The following MBTPS1 variants were observed in gnomAD, a reference collection of about 807,000 sequenced individuals.
The protein encoded by MBTPS1 is membrane bound transcription factor peptidase, site 1, also known as membrane-bound transcription factor site-1 protease.
MBTPS1 carries 94 observed loss-of-function variants against 127.8 expected under a neutral mutation model. The observed-to-expected ratio is 0.74, with a 90% CI of 0.62 to 0.87. The LOEUF (loss-of-function observed/expected upper bound fraction) is 0.87, where lower values mean the gene tolerates loss of function less well. MBTPS1 is among the 40% of genes least tolerant of loss of function. The probability of loss-of-function intolerance (pLI) is 0.00; values close to 1 mark genes in which losing one functional copy is unlikely to be tolerated. For synonymous variants in MBTPS1, 632 were observed against 509.4 expected, an observed-to-expected ratio of 1.24 and a Z score of -3.24; for missense variants, 1,636 against 1,353.2, an observed-to-expected ratio of 1.21 and a Z score of -3.28.
At chr16:84,084,124 T>A (rs187568882) in intron 10 of MBTPS1, among the ~76,000 whole-genome samples, 17 of 152,320 alleles carry the variant, frequency 1.1e-4, no homozygotes, top group Admixed American at 7.2e-4. Context: ...CACACCTGGC[T>A]AACTTGTAAT....
intron 3 of MBTPS1, among the ~76,000 whole-genome samples, chr16:84,098,100 T>C (rs11647035): frequency 0.11 from 16,837 of 152,132 alleles, 1,354 homozygotes; most frequent in East Asian, 0.26. Flanking sequence ...ATATGCAATT[T>C]ACTATTTGAG....
chr16:84,098,973 A>T, intron 3 of MBTPS1, 80 bp downstream of exon 3: 1 of 1,305,600 alleles, frequency 7.7e-7, no homozygotes, highest in Non-Finnish European at 1.1e-6. Flanking sequence ...TACTCACTGT[A>T]CTATTTTTCA....
intron 11 of MBTPS1, among the ~76,000 whole-genome samples, chr16:84,077,005 G>A (rs370773323): frequency 1.4e-4 from 21 of 152,068 alleles, no homozygotes; most frequent in African/African-American, 2.7e-4. Flanking sequence ...GCGGGAGGAC[G>A]GCTTGAGCCC....
At chr16:84,082,808 A>T (rs1597328334) in intron 10 of MBTPS1, among the ~76,000 whole-genome samples, 2 of 152,182 alleles carry the variant, frequency 1.3e-5, no homozygotes, top group East Asian at 3.9e-4. Flanking sequence ...CTATGGGTCA[A>T]CAATCTTCCT....
chr16:84,116,701 G>A (rs1016205303), intron 1 of MBTPS1, 34 bp downstream of exon 1: 7 of 152,002 alleles, frequency 4.6e-5, no homozygotes, highest in Non-Finnish European at 1.0e-4. Context: ...AGGCGGAGCG[G>A]GTCGGGGAGG....
chr16:84,082,962 T>G (rs540958138), intron 10 of MBTPS1, among the ~76,000 whole-genome samples: 15 of 152,324 alleles, frequency 9.8e-5, no homozygotes, highest in African/African-American at 3.6e-4. Flanking sequence ...AACGGCAGTT[T>G]CATCTGCTGC....
intron 18 of MBTPS1, 21 bp downstream of exon 18, chr16:84,065,669 C>T (rs1286838581): frequency 5.1e-6 from 8 of 1,560,360 alleles, no homozygotes; most frequent in Admixed American, 3.3e-5. Context: ...AAGCAAAAGG[C>T]CCATGAATGG....
intron 2 of MBTPS1, 71 bp downstream of exon 2, chr16:84,101,550 G>C (rs2086255624): frequency 7.6e-7 from 1 of 1,319,084 alleles, no homozygotes. Flanking sequence ...TTCAGCAATA[G>C]CTAATTTTAT....
At chr16:84,055,209 G>C (rs1034573569) in intron 22 of MBTPS1, among the ~76,000 whole-genome samples, 1 of 152,222 alleles carries the variant, frequency 6.6e-6, no homozygotes, top group Non-Finnish European at 1.5e-5. Flanking sequence ...AAGGGCTCTG[G>C]AATTTACCTT....
chr16:84,090,984 TAAACATA>T (rs1467566984), intron 7 of MBTPS1, 42 bp from the exon 8 acceptor site: 3 of 1,260,660 alleles, frequency 2.4e-6, no homozygotes, highest in Non-Finnish European at 3.4e-6. Flanking sequence ...TCCCTTTCAT[TAAACATA>T]TAACTGTCAA....
intron 5 of MBTPS1, 30 bp downstream of exon 5, chr16:84,093,681 G>T: frequency 1.4e-6 from 2 of 1,438,568 alleles, no homozygotes; most frequent in South Asian, 2.3e-5. Flanking sequence ...TCGATCACAT[G>T]ACCACGTTCT....
chr16:84,054,564 G>T lies in MBTPS1; in HGVS notation c.3044C>A (p.Ala1015Asp), dbSNP rs983835611. 10 of 1,613,824 alleles carry T rather than the reference G, an allele frequency of 6.2e-6. No individual in the cohort carries two copies. The highest frequency in any genetic ancestry group is 7.6e-6 in the Non-Finnish European group (9 of 1,179,908). ...CTTGTTGATTTGTACCACAAAGAAG[G>T]CCAGGACCACCATGGCTCCCAGGAA... ...FAFLGAMVVL[A>D]FFVVQINKAK... The change falls in exon 23 of 23, where the codon GCC becomes GAC. Residue 1015 changes from alanine (A) to aspartate (D), a missense_variant. Coordinates refer to ENST00000343411, the MANE Select transcript of MBTPS1 (RefSeq NM_003791.4).
intron 13 of MBTPS1, 81 bp downstream of exon 13, chr16:84,070,506 AC>A: frequency 7.3e-7 from 1 of 1,372,602 alleles, no homozygotes; most frequent in Non-Finnish European, 1.0e-6. Flanking sequence ...TCCAATGGAG[AC>A]CCCAGGCATT....
At chr16:84,090,390 C>G (rs2086087390) in intron 8 of MBTPS1, among the ~76,000 whole-genome samples, 2 of 152,214 alleles carry the variant, frequency 1.3e-5, no homozygotes, top group African/African-American at 4.8e-5. Context: ...TCCCAAAGCA[C>G]CGGCCATGTT....
At chr16:84,084,866 G>A (rs2085997168) in intron 10 of MBTPS1, 117 bp downstream of exon 10, 6 of 1,015,386 alleles carry the variant, frequency 5.9e-6, no homozygotes, top group South Asian at 1.7e-5. Flanking sequence ...AGGCTGTGAA[G>A]GGCCTAAGCT....
chr16:84,079,736 C>G (rs1156453109), intron 11 of MBTPS1, among the ~76,000 whole-genome samples: 1 of 152,126 alleles, frequency 6.6e-6, no homozygotes, highest in East Asian at 1.9e-4. Flanking sequence ...TAAATAGAAA[C>G]AAGGATAGGG....
chr16:84,095,921 GA>G (rs767266529), intron 3 of MBTPS1, 116 bp from the exon 4 acceptor site: 1 of 752,440 alleles, frequency 1.3e-6, no homozygotes. Context: ...CTGTTTGAAG[GA>G]AAGTGGGATT....
chr16:84,101,795 A>T lies in MBTPS1; in HGVS notation c.-12T>A, dbSNP rs754346994. The stretch of plus-strand genomic sequence containing the variant: ...TTGACAAGCTTCATGGTCACAAGCG[A>T]ATATGATCATAAAATTGCATATATT... On this transcript the variant is annotated 5_prime_UTR_variant, in exon 2 of 23. Transcript: ENST00000343411. 3.7e-6 allele frequency: 6 copies of T among 1,600,200 alleles called. No individual in the cohort carries two copies. Among genetic ancestry groups the T allele is most frequent in the Non-Finnish European group, 5.1e-6 (6 of 1,173,036 alleles).
At chr16:84,106,776 C>T (rs1289127736) in intron 1 of MBTPS1, among the ~76,000 whole-genome samples, 2 of 152,150 alleles carry the variant, frequency 1.3e-5, no homozygotes, top group African/African-American at 4.8e-5. Context: ...GACTTCCGTA[C>T]AAGAGCCAAG....
Sources: allele counts gnomAD v4.1 joint callset (sites outside exome capture counted in the v4.1 genomes callset), GRCh38; gene constraint gnomAD v4.1.1; transcripts MANE v1.5; gene names NCBI Gene and HGNC (gene_info 2026-07-23, HGNC 2026-07-21).